CDK15: variants seen among roughly 807,000 people sequenced by gnomAD.
The protein encoded by CDK15 is cyclin-dependent kinase 15.
CDK15 carries 62 observed loss-of-function variants against 60.3 expected under a neutral mutation model. The observed-to-expected ratio is 1.03, with a 90% CI of 0.84 to 1.27. The LOEUF (loss-of-function observed/expected upper bound fraction) is 1.27. Among genes scored for constraint, CDK15 ranks in the 50% most tolerant of loss-of-function variants. The pLI is 0.00. For synonymous variants in CDK15, 194 were observed against 195.7 expected, an observed-to-expected ratio of 0.99 and a Z score of 0.07; for missense variants, 541 against 527.8, an observed-to-expected ratio of 1.03 and a Z score of -0.25.
intron 4 of CDK15, among the ~76,000 whole-genome samples, chr2:201,816,387 T>G (rs1695990976): frequency 6.6e-6 from 1 of 152,084 alleles, no homozygotes; most frequent in South Asian, 2.1e-4. Context: ...GTATTTGTTT[T>G]CTGTTCCTGG....
rs374708377 is a variant in CDK15 at position 201,882,199 on chromosome 2, ATGTG to A, written c.1198+2047_1198+2050del. On this transcript the variant is annotated intron_variant, in intron 12 of 13. Transcript: ENST00000652192. This position sits in a 1 kb window ranked among gnomAD's most constrained non-coding sequence, Gnocchi z 4.0. ...TATGTGTGTATATGTGTGTGTGCGT[ATGTG>A]TGTGTGTGTGTGTGAGAGAGAGACA... Among the ~76,000 whole-genome samples the A allele has an allele frequency of 9.4e-3, 1,402 of 149,486 alleles. 17 individuals carry two copies. The highest frequency in any genetic ancestry group is 0.033 in the African/African-American group (1,341 of 40,820).
chr2:201,848,022 A>T (rs1697746014), intron 9 of CDK15, among the ~76,000 whole-genome samples: 1 of 152,122 alleles, frequency 6.6e-6, no homozygotes, highest in Non-Finnish European at 1.5e-5. Context: ...GCTATTCAGG[A>T]GGCTGAGATG....
In CDK15 at chr2:201,824,064, A is replaced by G. The variant is rs1049487143; in HGVS notation, c.606+337A>G. Among the ~76,000 whole-genome samples the G allele has an allele frequency of 2.0e-5, 3 of 152,340 alleles. No individual in the cohort carries two copies. In the South Asian group the frequency reaches 6.2e-4, roughly 32 times the overall value. On this transcript the variant is annotated intron_variant, in intron 6 of 13. Coordinates refer to ENST00000652192, the MANE Select transcript of CDK15 (RefSeq NM_001366386.2). ...GGAAAAAAGTAAAGCTAGGCCATCAAAAAATAAATACCTTCTTCATATCAG... is the reference window on the plus strand; with the variant it reads ...GGAAAAAAGTAAAGCTAGGCCATCAGAAAATAAATACCTTCTTCATATCAG...
chr2:201,866,693 A>G (rs1198234604), intron 10 of CDK15, among the ~76,000 whole-genome samples: 1 of 152,100 alleles, frequency 6.6e-6, no homozygotes, highest in Non-Finnish European at 1.5e-5. Flanking sequence ...AGCCAGAGAA[A>G]CCAGACTCCT....
At chr2:201,853,152 C>T (rs750326937) in intron 9 of CDK15, among the ~76,000 whole-genome samples, 1 of 152,130 alleles carries the variant, frequency 6.6e-6, no homozygotes. Flanking sequence ...TTTCTTGTCC[C>T]CTGGCCTTCT....
chr2:201,836,377 T>G (rs1365622782), intron 8 of CDK15, among the ~76,000 whole-genome samples: 2 of 151,164 alleles, frequency 1.3e-5, no homozygotes, highest in Non-Finnish European at 2.9e-5. Flanking sequence ...ATTCTTGCAA[T>G]TATTCTATAA....
intron 8 of CDK15, among the ~76,000 whole-genome samples, chr2:201,843,909 ATTGTG>A: frequency 2.5e-5 from 1 of 40,360 alleles, no homozygotes; most frequent in Non-Finnish European, 7.1e-5. Flanking sequence ...ACACTAAGGA[ATTGTG>A]TAACAAAATG....
At chr2:201,848,570 G>T (rs925366612) in intron 9 of CDK15, among the ~76,000 whole-genome samples, 5 of 151,902 alleles carry the variant, frequency 3.3e-5, no homozygotes, top group African/African-American at 1.2e-4. Flanking sequence ...CACTCCCCTA[G>T]CCCCTAGTAA....
chr2:201,820,460 G>A (rs956954849), intron 4 of CDK15, among the ~76,000 whole-genome samples: 1 of 152,134 alleles, frequency 6.6e-6, no homozygotes, highest in Non-Finnish European at 1.5e-5. Flanking sequence ...TCCACAAATG[G>A]TATCTGATTC....
chr2:201,855,547 G>A (rs1698110404), intron 10 of CDK15, among the ~76,000 whole-genome samples: 1 of 152,158 alleles, frequency 6.6e-6, no homozygotes, highest in South Asian at 2.1e-4. Flanking sequence ...GGCCACATCA[G>A]AGGGATCAGA....
chr2:201,887,270 A>G (rs1463577409), intron 12 of CDK15, among the ~76,000 whole-genome samples: 3 of 152,362 alleles, frequency 2.0e-5, no homozygotes, highest in Admixed American at 1.3e-4. Context: ...ACAAAATTGC[A>G]TATTATAAAG....
At chr2:201,832,974 G>T (rs147625769) in intron 6 of CDK15, among the ~76,000 whole-genome samples, 223 of 152,292 alleles carry the variant, frequency 1.5e-3, no homozygotes, top group African/African-American at 5.3e-3. Flanking sequence ...ATTGCCAATG[G>T]CACTGGAAAA....
chr2:201,806,526 C>A, upstream of CDK15: 3 of 961,276 alleles, frequency 3.1e-6, no homozygotes, highest in Non-Finnish European at 4.3e-6. Context: ...AGTTGTGAGG[C>A]TGCTCCAGGC....
chr2:201,861,543 GTTGGT>G, intron 10 of CDK15: 1 of 805,762 alleles, frequency 1.2e-6, no homozygotes, highest in Non-Finnish European at 1.5e-6. Context: ...AGTTTTTTTT[GTTGGT>G]TTGTTTTTTT....
chr2:201,868,588 C>A (rs181705185), intron 10 of CDK15, among the ~76,000 whole-genome samples: 7 of 152,136 alleles, frequency 4.6e-5, no homozygotes, highest in Non-Finnish European at 8.8e-5. Flanking sequence ...ATTGAGAAAA[C>A]TGAGGGTTGC....
Position 201,887,947 on chromosome 2 carries a change from T to C in CDK15, c.1199-2838T>C, listed in dbSNP as rs117706217. 4.0e-3 allele frequency among the ~76,000 whole-genome samples: 605 copies of C among 151,968 alleles called. 15 individuals carry two copies. The highest frequency in any genetic ancestry group is 0.032 in the East Asian group (163 of 5,172). On this transcript the variant is annotated intron_variant, in intron 12 of 13. Coordinates refer to ENST00000652192, the MANE Select transcript of CDK15 (RefSeq NM_001366386.2). ...GAATGCACTAAACATCTCCAGCTGATGGATTGATGATGTGGGAGAGTAGTG... is the reference window on the plus strand; with the variant it reads ...GAATGCACTAAACATCTCCAGCTGACGGATTGATGATGTGGGAGAGTAGTG...
chr2:201,831,271 G>A (rs569323131), intron 6 of CDK15, among the ~76,000 whole-genome samples: 2 of 152,232 alleles, frequency 1.3e-5, no homozygotes, highest in South Asian at 2.1e-4. Flanking sequence ...GTTGGCTAAC[G>A]GATCTCATTG....
chr2:201,806,534 G>A (rs1695517221), upstream of CDK15: 2 of 1,085,170 alleles, frequency 1.8e-6, no homozygotes, highest in South Asian at 4.5e-5. Context: ...GGCTGCTCCA[G>A]GCAGAGCCAT....
At chr2:201,822,621 GC>G (rs1480687583) in intron 4 of CDK15, among the ~76,000 whole-genome samples, 187 bp from the exon 5 acceptor site, 6 of 152,174 alleles carry the variant, frequency 3.9e-5, no homozygotes, top group African/African-American at 7.2e-5. Flanking sequence ...GCAATGATTT[GC>G]CATTTTTGAA....
Sources: allele counts gnomAD v4.1 joint callset (sites outside exome capture counted in the v4.1 genomes callset), GRCh38; gene constraint gnomAD v4.1.1; non-coding constraint Gnocchi (gnomAD v3.1); transcripts MANE v1.5; gene names NCBI Gene and HGNC (gene_info 2026-07-23, HGNC 2026-07-21).